The following ADAMTSL1 variants were observed in gnomAD, a reference collection of about 807,000 sequenced individuals.
ADAMTSL1 encodes the protein ADAMTS like 1.
ADAMTSL1 carries 126 observed loss-of-function variants against 201.8 expected under a neutral mutation model. The observed-to-expected ratio is 0.62, with a 90% CI of 0.54 to 0.72. The LOEUF is 0.72. ADAMTSL1 is among the 30% of genes least tolerant of loss of function. The pLI, the probability that ADAMTSL1 is intolerant of heterozygous loss-of-function variation, is 0.00. For synonymous variants in ADAMTSL1, 1,121 were observed against 903.4 expected (o/e 1.24, Z -4.32); for missense variants, 2,679 against 2,277.8 (o/e 1.18, Z -3.59).
At chr9:18,239,451 C>G (rs898432096) in intron 2 of ADAMTSL1, among the ~76,000 whole-genome samples, 1 of 152,126 alleles carries the variant, frequency 6.6e-6, no homozygotes, top group Non-Finnish European at 1.5e-5. Flanking sequence ...AAGAAACCCA[C>G]TATCTGGCTG....
At chr9:18,537,204 A>G (rs58936806) in intron 3 of ADAMTSL1, among the ~76,000 whole-genome samples, 2,160 of 152,328 alleles carry the variant, frequency 0.014, 49 homozygotes, top group African/African-American at 0.05. Flanking sequence ...GAGATTACAA[A>G]CAAGCATGGA....
chr9:18,745,593 T>A (rs978284313), intron 15 of ADAMTSL1, among the ~76,000 whole-genome samples: 3 of 152,204 alleles, frequency 2.0e-5, no homozygotes, highest in Non-Finnish European at 2.9e-5. Flanking sequence ...CTCGATTTGC[T>A]TGATACTACT....
chr9:18,819,273 T>A (rs1824057880), intron 21 of ADAMTSL1, among the ~76,000 whole-genome samples: 1 of 151,924 alleles, frequency 6.6e-6, no homozygotes. Context: ...CTGGCCAACA[T>A]GGTGAAACCC....
intron 16 of ADAMTSL1, among the ~76,000 whole-genome samples, chr9:18,765,978 G>T (rs1230887973): frequency 6.6e-6 from 1 of 151,934 alleles, no homozygotes; most frequent in Non-Finnish European, 1.5e-5. Context: ...AGAGAAGAAT[G>T]GTGCAGGTAG....
rs114057351 is a variant in ADAMTSL1 at position 18,596,109 on chromosome 9, A to T, written c.474+21843A>T. 3.7e-3 allele frequency among the ~76,000 whole-genome samples: 561 copies of T among 152,332 alleles called. 8 individuals are homozygous for T. Among genetic ancestry groups the T allele is most frequent in the African/African-American group, 0.013 (530 of 41,576 alleles). On this transcript the variant is annotated intron_variant, in intron 4 of 28. Transcript: ENST00000380548. ...ACTGAAAGGGAATTTGAAATTTTGT[A>T]GTTTAATATTTCCATTTACATTTAA...
intron 1 of ADAMTSL1, among the ~76,000 whole-genome samples, chr9:18,068,656 T>G (rs1484991478): frequency 1.3e-5 from 2 of 152,184 alleles, no homozygotes; most frequent in African/African-American, 4.8e-5. Context: ...ACTGACTATG[T>G]GTCCCCCTGG....
intron 2 of ADAMTSL1, among the ~76,000 whole-genome samples, chr9:18,225,349 C>T (rs907694149): frequency 6.6e-5 from 10 of 152,214 alleles, no homozygotes; most frequent in East Asian, 1.9e-4. Context: ...AAAGTGCACT[C>T]GTGGAGATCC....
At chr9:17,955,754 T>C (rs1299566823) in intron 1 of ADAMTSL1, among the ~76,000 whole-genome samples, 1 of 152,184 alleles carries the variant, frequency 6.6e-6, no homozygotes, top group Non-Finnish European at 1.5e-5. Context: ...TTATAGTTGT[T>C]AATCTCTTAC....
chr9:17,956,893 A>G (rs1330830759), intron 1 of ADAMTSL1, among the ~76,000 whole-genome samples: 1 of 152,182 alleles, frequency 6.6e-6, no homozygotes, highest in African/African-American at 2.4e-5. Flanking sequence ...TGGTTTGAAT[A>G]TGAAAGTTAA....
At chr9:18,460,330 C>G (rs1366050446) in intron 2 of ADAMTSL1, among the ~76,000 whole-genome samples, 1 of 152,150 alleles carries the variant, frequency 6.6e-6, no homozygotes, top group Non-Finnish European at 1.5e-5. Flanking sequence ...ACGGCGAAAT[C>G]CCTGTCTGTT....
At chr9:18,376,861 T>A (rs1837318643) in intron 2 of ADAMTSL1, among the ~76,000 whole-genome samples, 1 of 152,214 alleles carries the variant, frequency 6.6e-6, no homozygotes, top group African/African-American at 2.4e-5. Context: ...ACTTACACTA[T>A]TTGATTGACC....
intron 3 of ADAMTSL1, among the ~76,000 whole-genome samples, chr9:18,565,584 A>G (rs1821836383): frequency 6.6e-6 from 1 of 151,316 alleles, no homozygotes; most frequent in Admixed American, 6.6e-5. Context: ...AAAAAAAAAA[A>G]AGCCTGTTGG....
At chr9:18,514,327 CTTTTTTTTTTTTTT>C (rs397963773) in intron 2 of ADAMTSL1, among the ~76,000 whole-genome samples, 2 of 100,096 alleles carry the variant, frequency 2.0e-5, no homozygotes, top group South Asian at 6.8e-4. Flanking sequence ...ATTTTTCTTT[CTTTTTTTTTTTTTT>C]TTTTTTTTTG....
intron 1 of ADAMTSL1, among the ~76,000 whole-genome samples, chr9:17,956,449 G>A (rs1827936300): frequency 6.6e-6 from 1 of 152,180 alleles, no homozygotes; most frequent in Non-Finnish European, 1.5e-5. Flanking sequence ...TAGAAATTCT[G>A]AAGAGCTTCC....
intron 1 of ADAMTSL1, among the ~76,000 whole-genome samples, chr9:18,112,486 G>GT (rs200200528): frequency 0.014 from 2,039 of 144,740 alleles, 30 homozygotes; most frequent in African/African-American, 0.039. Flanking sequence ...ATTTTTTTGG[G>GT]TTTTTTTTTT....
intron 3 of ADAMTSL1, among the ~76,000 whole-genome samples, chr9:18,540,657 G>A (rs1428743883): frequency 1.3e-5 from 2 of 152,142 alleles, no homozygotes; most frequent in African/African-American, 4.8e-5. Context: ...CACTCAGAGT[G>A]ATGAGCTTTG....
chr9:18,056,548 C>G (rs1360231), intron 1 of ADAMTSL1, among the ~76,000 whole-genome samples: 94,934 of 151,942 alleles, frequency 0.62, 29,891 homozygotes, highest in South Asian at 0.7. Flanking sequence ...CATAGGGAGA[C>G]GGTTATTTGT....
At chr9:18,462,940 AAAAAAT>A (rs1043304612) in intron 2 of ADAMTSL1, among the ~76,000 whole-genome samples, 21 of 152,130 alleles carry the variant, frequency 1.4e-4, no homozygotes, top group African/African-American at 5.1e-4. Context: ...ATCCATCTCA[AAAAAAT>A]AAAAATAAAA....
At chr9:17,979,727 G>A (rs1188707624) in intron 1 of ADAMTSL1, among the ~76,000 whole-genome samples, 1 of 152,088 alleles carries the variant, frequency 6.6e-6, no homozygotes, top group African/African-American at 2.4e-5. Context: ...TGGTGTTTGT[G>A]CATTGGAAAG....
Sources: allele counts gnomAD v4.1 joint callset (sites outside exome capture counted in the v4.1 genomes callset), GRCh38; gene constraint gnomAD v4.1.1; transcripts MANE v1.5; gene names NCBI Gene and HGNC (gene_info 2026-07-23, HGNC 2026-07-21).